The following NDUFS3 variants were observed in gnomAD, a reference collection of about 807,000 sequenced individuals.
The protein encoded by NDUFS3 is NADH:ubiquinone oxidoreductase core subunit S3.
Under a neutral mutation model 30.8 loss-of-function variants are expected in NDUFS3, and 19 were observed. The ratio of observed to expected loss-of-function variants is 0.62; its 90% confidence interval spans 0.43 to 0.91. The LOEUF (loss-of-function observed/expected upper bound fraction) is 0.91. Ranked by LOEUF, NDUFS3 falls within the 40% of genes least tolerant of loss-of-function variation. The pLI is 0.00. For missense variants in NDUFS3, 331 were observed against 342.0 expected (o/e 0.97, Z 0.25); for synonymous variants, 153 against 135.8 (o/e 1.13, Z -0.88).
rs778392027 is a variant in NDUFS3, at chr11:47,582,420, C to T, written c.579C>T (p.Phe193=). Residue 193 remains phenylalanine (F), a synonymous_variant, in exon 6 of 7, where the codon TTC becomes TTT. Transcript: ENST00000263774. ...DLRRILTDYG[F]EGHPFRKDFP... is the part of the protein sequence containing the mutation. ...GAAGGATCCTGACAGATTATGGCTT[C>T]GAGGGACATCCTTTCCGGAAAGACT... 84 of 1,614,046 alleles carry T rather than the reference C, an allele frequency of 5.2e-5. No homozygotes were observed. The highest frequency in any genetic ancestry group is 5.9e-5 in the Non-Finnish European group (70 of 1,180,054).
chr11:47,581,728 A>G, intron 4 of NDUFS3: 5 of 353,526 alleles, frequency 1.4e-5, no homozygotes, highest in Non-Finnish European at 2.8e-5. Context: ...TTACTGTAGT[A>G]ACATATAATA....
chr11:47,580,020 CA>C (rs1160155214), intron 2 of NDUFS3, among the ~76,000 whole-genome samples: 52 of 126,376 alleles, frequency 4.1e-4, no homozygotes, highest in African/African-American at 1.5e-3. Context: ...CACACACACA[CA>C]CACACACACC....
intron 6 of NDUFS3, among the ~76,000 whole-genome samples, chr11:47,582,669 T>C (rs1465127490): frequency 6.6e-6 from 1 of 152,218 alleles, no homozygotes; most frequent in South Asian, 2.1e-4. Context: ...CATCTTAAAA[T>C]GGCAATAATA....
Position 47,580,512 on chromosome 11 carries a change from C to G in NDUFS3, c.134-13C>G. 1 of 1,613,928 alleles carries G rather than the reference C, an allele frequency of 6.2e-7. No individual in the cohort carries two copies. Among genetic ancestry groups the G allele is most frequent in the Non-Finnish European group, 8.5e-7 (1 of 1,179,832 alleles). On this transcript the variant is annotated splice_polypyrimidine_tract_variant and intron_variant, in intron 2 of 6. Coordinates refer to ENST00000263774, the MANE Select transcript of NDUFS3 (RefSeq NM_004551.3). ...TTCTCCATTTCTTTTTTAAATATGC[C>G]TTTTCCTTCCAGCCACTGTCAGACC... is the stretch of plus-strand genomic sequence containing the variant.
At chr11:47,581,059 C>A in intron 4 of NDUFS3, 75 bp downstream of exon 4, 1 of 1,571,420 alleles carries the variant, frequency 6.4e-7, no homozygotes, top group Non-Finnish European at 8.7e-7. Context: ...TAGAACACAG[C>A]AGTTAAACTG....
At chr11:47,580,026 CACA>C (rs1565941017) in intron 2 of NDUFS3, among the ~76,000 whole-genome samples, 2 of 133,834 alleles carry the variant, frequency 1.5e-5, no homozygotes, top group Non-Finnish European at 3.2e-5. Context: ...CACACACACA[CACA>C]CCTGGGCCTC....
Position 47,584,424 on chromosome 11 carries a change from C to T in NDUFS3, c.738C>T (p.Arg246=), listed in dbSNP as rs1598806919. ...NSPWEAFPVY[R]QPPESLKLEA... ...CCTGGGAGGCTTTCCCAGTCTATCGCCAACCCCCGGAGAGTCTCAAGCTTG... is the reference window on the plus strand; with the variant it reads ...CCTGGGAGGCTTTCCCAGTCTATCGTCAACCCCCGGAGAGTCTCAAGCTTG... The change falls in exon 7 of 7, where the codon CGC becomes CGT. Residue 246 remains arginine (R), a synonymous_variant. Coordinates refer to ENST00000263774, the MANE Select transcript of NDUFS3 (RefSeq NM_004551.3). 1.2e-6 allele frequency: 2 copies of T among 1,614,082 alleles called. No homozygotes were observed. Among genetic ancestry groups the T allele is most frequent in the East Asian group, 2.2e-5 (1 of 44,874 alleles).
rs1011015000 is a variant in NDUFS3 at position 47,581,407 on chromosome 11, G to A, written c.381+423G>A. On this transcript the variant is annotated intron_variant, in intron 4 of 6. Coordinates refer to ENST00000263774, the MANE Select transcript of NDUFS3 (RefSeq NM_004551.3). ...CCTGACCTCGTGATCTGCCTGCCTT[G>A]GCCTCCCAAAGTGCTGGGATTACAG... is the stretch of plus-strand genomic sequence containing the variant. 1.1e-5 allele frequency: 3 copies of A among 270,486 alleles called. No individual in the cohort carries two copies. In the South Asian group the frequency reaches 1.1e-4, roughly 10 times the overall value. 16.8% of individuals were successfully genotyped at this position (270,486 alleles called of 1,614,324 possible). A position where few individuals can be genotyped will look rare whatever the true frequency, so the allele number is the denominator to read the frequency against.
At chr11:47,580,401 C>G (rs926428538) in intron 2 of NDUFS3, 124 bp from the exon 3 acceptor site, 1 of 900,600 alleles carries the variant, frequency 1.1e-6, no homozygotes, top group Non-Finnish European at 1.8e-6. Flanking sequence ...TTCACATGCA[C>G]CTTTCTCAAG....
intron 1 of NDUFS3, 35 bp downstream of exon 1, chr11:47,579,193 G>A (rs749028063): frequency 1.9e-6 from 3 of 1,613,598 alleles, no homozygotes; most frequent in South Asian, 2.2e-5. Context: ...CCGGGGTCAG[G>A]CGCAGCGGCG....
chr11:47,584,357 T>C lies in NDUFS3; in HGVS notation c.671T>C (p.Val224Ala). The change falls in exon 7 of 7, where the codon GTG becomes GCG. Residue 224 changes from valine to alanine, a missense_variant. Physicochemically the swap from Val to Ala is moderately conservative, Grantham distance 64 (BLOSUM62 0). Transcript: ENST00000263774. ...GTGAAGCGGGTGGTGGCAGAGCCGG[T>C]GGAGTTGGCCCAAGAGTTCCGCAAA... ...DEVKRVVAEP[V>A]ELAQEFRKFD... 6.2e-7 allele frequency: 1 copy of C among 1,614,128 alleles called. No homozygotes were observed. The highest frequency in any genetic ancestry group is 8.5e-7 in the Non-Finnish European group (1 of 1,180,024).
At chr11:47,584,290 C>A in intron 6 of NDUFS3, 24 bp from the exon 7 acceptor site, 1 of 1,613,874 alleles carries the variant, frequency 6.2e-7, no homozygotes, top group South Asian at 1.1e-5. Flanking sequence ...CCTTAGTGCT[C>A]AAGCCTGCCT....
In NDUFS3 at chr11:47,582,300, C is replaced by G. The variant is rs75447314; in HGVS notation, c.508-49C>G. The stretch of plus-strand genomic sequence containing the variant: ...CGGGATGCAGTGTAGCCCCTTCCCC[C>G]TGTTGTTAGTCTTGATGGATTGGCT... On this transcript the variant is annotated intron_variant, in intron 5 of 6. Transcript: ENST00000263774. 122 of 1,614,066 alleles carry G rather than the reference C, an allele frequency of 7.6e-5. No homozygotes were observed. The East Asian group carries it at 2.2e-3, about 29-fold the overall frequency.
Position 47,584,402 on chromosome 11 carries a change from G to T in NDUFS3, c.716G>T (p.Trp239Leu). ...EFRKFDLNSP[W>L]EAFPVYRQPP... Reference sequence around the variant, plus strand: ...CGCAAATTTGACCTGAACAGCCCCTGGGAGGCTTTCCCAGTCTATCGCCAA... The same window carrying T: ...CGCAAATTTGACCTGAACAGCCCCTTGGAGGCTTTCCCAGTCTATCGCCAA... The change falls in exon 7 of 7, where the codon TGG (tryptophan) becomes TTG (leucine). Residue 239 changes from tryptophan (W) to leucine (L), a missense_variant. By Grantham distance (61) the Trp-to-Leu change is moderately conservative. Transcript: ENST00000263774. 2 of 1,614,164 alleles carry T rather than the reference G, an allele frequency of 1.2e-6. No individual in the cohort carries two copies. The highest frequency in any genetic ancestry group is 1.7e-6 in the Non-Finnish European group (2 of 1,180,044).
rs1057076514 is a variant in NDUFS3, at chr11:47,579,346, C to G, written c.133+12C>G. Reference sequence around the variant, plus strand: ...GGCCGACACGCGCCGTGAGTATGTGCGGGCAGCGCTCTTCTCTGAACTATC... The same window carrying G: ...GGCCGACACGCGCCGTGAGTATGTGGGGGCAGCGCTCTTCTCTGAACTATC... On this transcript the variant is annotated intron_variant, in intron 2 of 6. Transcript: ENST00000263774. 11 of 1,613,168 alleles carry G rather than the reference C, an allele frequency of 6.8e-6. No homozygotes were observed. Among genetic ancestry groups the G allele is most frequent in the African/African-American group, 1.3e-5 (1 of 74,934 alleles).
intron 2 of NDUFS3, among the ~76,000 whole-genome samples, chr11:47,579,983 TGACACACACACA>T (rs1382644262): frequency 6.4e-5 from 6 of 94,386 alleles, no homozygotes; most frequent in Non-Finnish European, 1.1e-4. Flanking sequence ...GTTTTCTCAT[TGACACACACACA>T]CACACACACA....
Position 47,582,139 on chromosome 11 carries a change from A to G in NDUFS3, c.433A>G (p.Thr145Ala), listed in dbSNP as rs2097269070. The G allele has an allele frequency of 6.2e-7, 1 of 1,614,000 alleles. No homozygotes were observed. Among genetic ancestry groups the G allele is most frequent in the African/African-American group, 1.3e-5 (1 of 74,918 alleles). The change falls in exon 5 of 7, where the codon ACC becomes GCC. Residue 145 changes from threonine to alanine, a missense_variant. By Grantham distance (58) the Thr-to-Ala change is moderately conservative (BLOSUM62 0). Transcript: ENST00000263774. ...LRFNSRIRVK[T>A]YTDELTPIES... Reference sequence around the variant, plus strand: ...CTTCAACTCACGGATCCGTGTGAAGACCTACACAGATGAGCTGACGCCCAT... The same window carrying G: ...CTTCAACTCACGGATCCGTGTGAAGGCCTACACAGATGAGCTGACGCCCAT...
rs1325151121 is a variant in NDUFS3 at position 47,584,376 on chromosome 11, C to G, written c.690C>G (p.Phe230Leu). The G allele has an allele frequency of 1.9e-6, 3 of 1,613,950 alleles. No homozygotes were observed. Among genetic ancestry groups the G allele is most frequent in the Non-Finnish European group, 2.5e-6 (3 of 1,180,024 alleles). The change falls in exon 7 of 7, where the codon TTC becomes TTG. Residue 230 changes from phenylalanine to leucine, a missense_variant. Transcript: ENST00000263774. Reference sequence around the variant, plus strand: ...AGCCGGTGGAGTTGGCCCAAGAGTTCCGCAAATTTGACCTGAACAGCCCCT... The same window carrying G: ...AGCCGGTGGAGTTGGCCCAAGAGTTGCGCAAATTTGACCTGAACAGCCCCT... The part of the protein sequence containing the change: ...VAEPVELAQE[F>L]RKFDLNSPWE...
At chr11:47,580,079 G>GGA (rs1242505547) in intron 2 of NDUFS3, among the ~76,000 whole-genome samples, 2 of 128,242 alleles carry the variant, frequency 1.6e-5, no homozygotes, top group African/African-American at 2.9e-5. Context: ...ACACTTTTAA[G>GGA]GAGAGAGAGA....
Sources: gnomAD v4.1 joint callset for allele counts (sites outside exome capture counted in the v4.1 genomes callset) on GRCh38, gnomAD v4.1.1 for gene constraint, MANE v1.5 for transcripts, NCBI Gene and HGNC (gene_info 2026-07-23, HGNC 2026-07-21) for gene names.